The following PAPPA2 variants were observed in gnomAD, a reference collection of about 807,000 sequenced individuals.
PAPPA2 encodes pappalysin 2, also known as pappalysin-2.
Under a neutral mutation model 176.4 loss-of-function variants are expected in PAPPA2, and 86 were observed. The ratio of observed to expected loss-of-function variants is 0.49; its 90% CI spans 0.41 to 0.58. The LOEUF (loss-of-function observed/expected upper bound fraction) is 0.58. PAPPA2 is among the 20% of genes least tolerant of loss of function. PAPPA2 has a pLI of 0.00. For synonymous variants in PAPPA2, 809 were observed against 852.2 expected (o/e 0.95, Z 0.88); for missense variants, 2,073 against 2,256.9 (o/e 0.92, Z 1.65).
At chr1:176,643,328 G>A (rs1657205131) in intron 3 of PAPPA2, among the ~76,000 whole-genome samples, 1 of 151,430 alleles carries the variant, frequency 6.6e-6, no homozygotes, top group African/African-American at 2.4e-5. Flanking sequence ...AAAGAGATTA[G>A]TGAATATTTC....
chr1:176,570,847 C>T (rs1002647999), intron 2 of PAPPA2, among the ~76,000 whole-genome samples: 3 of 152,074 alleles, frequency 2.0e-5, no homozygotes, highest in African/African-American at 4.8e-5. Context: ...AAAAGCCAAG[C>T]ACATTTGAGG....
chr1:176,682,637 A>G (rs1258974351), intron 4 of PAPPA2, among the ~76,000 whole-genome samples: 1 of 119,900 alleles, frequency 8.3e-6, no homozygotes, highest in Non-Finnish European at 1.7e-5. Flanking sequence ...TATCCAATAA[A>G]TTATTAGCTA....
intron 14 of PAPPA2, among the ~76,000 whole-genome samples, chr1:176,741,184 C>T (rs1371256855): frequency 6.6e-6 from 1 of 152,122 alleles, no homozygotes; most frequent in Non-Finnish European, 1.5e-5. Flanking sequence ...ACAGCTTCGC[C>T]AGGTATCTCT....
intron 21 of PAPPA2, among the ~76,000 whole-genome samples, chr1:176,817,540 G>A (rs910347752): frequency 2.0e-5 from 3 of 152,102 alleles, no homozygotes; most frequent in East Asian, 1.9e-4. Context: ...GACGGTGTCC[G>A]TATTTCAAGA....
In PAPPA2 at chr1:176,791,455, T is replaced by C; in HGVS notation, c.4993T>C (p.Tyr1665His). The C allele has an allele frequency of 1.2e-6, 2 of 1,613,866 alleles. No homozygotes were observed. Among genetic ancestry groups the C allele is most frequent in the Non-Finnish European group, 1.7e-6 (2 of 1,179,828 alleles). The change falls in exon 19 of 23, where the codon TAC (tyrosine) becomes CAC (histidine). Residue 1665 changes from tyrosine to histidine, a missense_variant. Physicochemically the swap from Tyr to His is moderately conservative, Grantham distance 83 (BLOSUM62 2). This residue lies in a region of PAPPA2 where 846 missense variants were observed against 857.9 expected (regional missense o/e 0.99). Transcript: ENST00000367662. ...PPPSELNSVEYKCEQGYGIGA... is the reference protein window; with the variant it reads ...PPPSELNSVEHKCEQGYGIGA... ...CCCCTCAGAGCTGAATTCTGTGGAG[T>C]ACAAATGTGAACAAGGATATGGGAT... is the stretch of plus-strand genomic sequence containing the variant.
chr1:176,564,802 C>A (rs930426352), intron 2 of PAPPA2, among the ~76,000 whole-genome samples: 37 of 147,732 alleles, frequency 2.5e-4, no homozygotes, highest in Non-Finnish European at 4.2e-4. Context: ...GTACAAATAA[C>A]GTCTTTAGTA....
intron 1 of PAPPA2, among the ~76,000 whole-genome samples, chr1:176,537,717 G>GGA (rs769159633): frequency 1.0e-4 from 7 of 69,232 alleles, no homozygotes; most frequent in African/African-American, 3.2e-4. Context: ...CAGTAGGTAT[G>GGA]GAGTGTGTGT....
intron 1 of PAPPA2, among the ~76,000 whole-genome samples, chr1:176,490,181 TG>T (rs1291513621): frequency 2.0e-5 from 3 of 152,030 alleles, no homozygotes; most frequent in African/African-American, 7.2e-5. Flanking sequence ...TTTCCATTAA[TG>T]ATAAGCCTTT....
At position 176,765,898 on chromosome 1, in the gene PAPPA2, CTT is replaced by C; in HGVS notation, c.4323+62_4323+63del. 3.2e-6 allele frequency: 5 copies of C among 1,567,978 alleles called. No individual in the cohort carries two copies. In the South Asian group the frequency reaches 6.0e-5, roughly 19 times the overall value. On this transcript the variant is annotated intron_variant, in intron 15 of 22. Transcript: ENST00000367662. ...CCTGGGAAGGGGAGGTATTCACACTCTTCTCTCTGGCTCCACAGGGAAAGAGC... is the reference window on the plus strand; with the variant it reads ...CCTGGGAAGGGGAGGTATTCACACTCCTCTCTGGCTCCACAGGGAAAGAGC...
At chr1:176,698,912 G>A (rs373816748) in intron 7 of PAPPA2, among the ~76,000 whole-genome samples, 188 bp from the exon 8 acceptor site, 1 of 152,196 alleles carries the variant, frequency 6.6e-6, no homozygotes, top group African/African-American at 2.4e-5. Flanking sequence ...GGTAACAAGA[G>A]TGTAATGCTT....
chr1:176,840,363 G>A, intron 22 of PAPPA2, 92 bp downstream of exon 22: 1 of 989,284 alleles, frequency 1.0e-6, no homozygotes, highest in Non-Finnish European at 1.6e-6. Context: ...GTGTAATAAT[G>A]GGTTTGTATT....
rs1203042701 is a variant in PAPPA2 at position 176,769,632 on chromosome 1, C to T, written c.4349C>T (p.Ser1450Phe). ...MQKEILLTCS[S>F]GHWDQNVSCL... Reference sequence around the variant, plus strand: ...AAGGAAATTCTGCTCACATGTTCTTCTGGGCACTGGGACCAGAATGTGAGC... The same window carrying T: ...AAGGAAATTCTGCTCACATGTTCTTTTGGGCACTGGGACCAGAATGTGAGC... Residue 1450 changes from serine (S) to phenylalanine (F), a missense_variant, in exon 16 of 23, where the codon TCT (serine) becomes TTT (phenylalanine). This residue lies in a region of PAPPA2 where 846 missense variants were observed against 857.9 expected (regional missense o/e 0.99). Transcript: ENST00000367662. 6.2e-7 allele frequency: 1 copy of T among 1,613,240 alleles called. No homozygotes were observed. Among genetic ancestry groups the T allele is most frequent in the Non-Finnish European group, 8.5e-7 (1 of 1,179,844 alleles).
intron 1 of PAPPA2, among the ~76,000 whole-genome samples, chr1:176,524,529 T>C (rs1649377529): frequency 6.6e-6 from 1 of 152,222 alleles, no homozygotes; most frequent in Admixed American, 6.5e-5. Flanking sequence ...AACAATATTA[T>C]AGAATACTAT....
chr1:176,556,578 G>A lies in PAPPA2; in HGVS notation c.256G>A (p.Glu86Lys), dbSNP rs1651306063. The A allele has an allele frequency of 6.2e-7, 1 of 1,614,076 alleles. No homozygotes were observed. The highest frequency in any genetic ancestry group is 1.7e-5 in the Admixed American group (1 of 60,008). Residue 86 changes from glutamate (E) to lysine (K), a missense_variant, in exon 2 of 23, where the codon GAG becomes AAG. Physicochemically the swap from Glu to Lys is moderately conservative, Grantham distance 56. Transcript: ENST00000367662. ...CTACCTAAGGCCCTACCCCGTGGGGGAGCAAGAAATCCATCATACAGGACG... is the reference window on the plus strand; with the variant it reads ...CTACCTAAGGCCCTACCCCGTGGGGAAGCAAGAAATCCATCATACAGGACG... The part of the protein sequence containing the change: ...GNYLRPYPVG[E>K]QEIHHTGRSK...
rs1476271852 is a variant in PAPPA2, at chr1:176,843,873, G to C, written c.*1419G>C. The stretch of plus-strand genomic sequence containing the variant: ...ACAAAATCTGTGAGCCAGAGATTTT[G>C]ACTTGAGCAAGCCATGGAAATGCAT... On this transcript the variant is annotated 3_prime_UTR_variant, in exon 23 of 23. Coordinates refer to ENST00000367662, the MANE Select transcript of PAPPA2 (RefSeq NM_020318.3). 6.6e-6 allele frequency: 1 copy of C among 152,136 alleles called. No individual in the cohort carries two copies. Among genetic ancestry groups the C allele is most frequent in the Non-Finnish European group, 1.5e-5 (1 of 68,012 alleles). 9.4% of individuals were successfully genotyped at this position (152,136 alleles called of 1,614,324 possible). A position where few individuals can be genotyped will look rare whatever the true frequency, so the allele number is the denominator to read the frequency against.
chr1:176,665,715 G>T (rs1308875798), intron 3 of PAPPA2, among the ~76,000 whole-genome samples: 1 of 152,062 alleles, frequency 6.6e-6, no homozygotes, highest in Non-Finnish European at 1.5e-5. Flanking sequence ...ATGGACACAG[G>T]CATATACTTT....
At chr1:176,467,846 C>T (rs1377894285) in intron 1 of PAPPA2, among the ~76,000 whole-genome samples, 5 of 152,154 alleles carry the variant, frequency 3.3e-5, no homozygotes, top group African/African-American at 1.2e-4. Context: ...TTTGTGGAGC[C>T]ACTACAATGT....
chr1:176,619,399 G>T (rs1425920250), intron 3 of PAPPA2, among the ~76,000 whole-genome samples: 1 of 152,172 alleles, frequency 6.6e-6, no homozygotes, highest in Non-Finnish European at 1.5e-5. Context: ...TAACTCAGGT[G>T]CCAATTTTGA....
chr1:176,794,147 A>G (rs1045629638), intron 20 of PAPPA2, among the ~76,000 whole-genome samples: 1 of 152,210 alleles, frequency 6.6e-6, no homozygotes, highest in Non-Finnish European at 1.5e-5. Flanking sequence ...CCTGACTTAT[A>G]GAATAATACA....
Sources: allele counts gnomAD v4.1 joint callset (sites outside exome capture counted in the v4.1 genomes callset), GRCh38; gene constraint gnomAD v4.1.1; regional missense constraint gnomAD v4.1.1; transcripts MANE v1.5; gene names NCBI Gene and HGNC (gene_info 2026-07-23, HGNC 2026-07-21).